LDLRAD4: variants seen among roughly 807,000 people sequenced by gnomAD.
LDLRAD4 encodes low density lipoprotein receptor class A domain containing 4.
LDLRAD4 carries 5 observed loss-of-function variants against 17.0 expected under a neutral mutation model. The ratio of observed to expected loss-of-function variants is 0.29; its 90% CI spans 0.15 to 0.62. LDLRAD4 has a LOEUF of 0.62. Among genes scored for constraint, LDLRAD4 ranks in the 20% least tolerant of loss-of-function variants. The probability of loss-of-function intolerance (pLI) is 0.84; values close to 1 mark genes in which losing one functional copy is unlikely to be tolerated. For missense variants in LDLRAD4, 340 were observed against 424.7 expected (o/e 0.80, Z 1.75); for synonymous variants, 168 against 171.8 (o/e 0.98, Z 0.17).
chr18:13,533,585 G>A (rs756090391), intron 3 of LDLRAD4, among the ~76,000 whole-genome samples: 14 of 152,048 alleles, frequency 9.2e-5, no homozygotes, highest in Admixed American at 5.9e-4. Flanking sequence ...ACTTACAAAC[G>A]GTACTCCAGT....
intron 1 of LDLRAD4, among the ~76,000 whole-genome samples, chr18:13,220,867 C>T (rs1400074533): frequency 1.3e-5 from 2 of 152,202 alleles, no homozygotes; most frequent in Non-Finnish European, 2.9e-5. Flanking sequence ...GCAGGCAGTC[C>T]AGCAGAGATC....
intron 3 of LDLRAD4, among the ~76,000 whole-genome samples, chr18:13,545,129 T>A (rs1397945146): frequency 1.3e-5 from 2 of 152,068 alleles, no homozygotes; most frequent in Non-Finnish European, 2.9e-5. Context: ...AGTGGCCTCC[T>A]CTTGATGGCC....
chr18:13,619,511 G>C (rs1391534815), intron 3 of LDLRAD4, among the ~76,000 whole-genome samples: 1 of 119,658 alleles, frequency 8.4e-6, no homozygotes, highest in Non-Finnish European at 1.8e-5. Flanking sequence ...TGGGGGGGTG[G>C]GGCCGGGGGG....
At chr18:13,259,087 C>G (rs914264262) in intron 1 of LDLRAD4, among the ~76,000 whole-genome samples, 1 of 152,218 alleles carries the variant, frequency 6.6e-6, no homozygotes, top group Admixed American at 6.5e-5. Flanking sequence ...TGCTGCCATT[C>G]CCGCAGAGCA....
chr18:13,561,255 G>A (rs2094537755), intron 3 of LDLRAD4: 1 of 152,176 alleles, frequency 6.6e-6, no homozygotes, highest in Non-Finnish European at 1.5e-5. Context: ...CAATATATAG[G>A]TAATTAGTTT....
intron 1 of LDLRAD4, among the ~76,000 whole-genome samples, chr18:13,249,771 T>C (rs1227302080): frequency 1.3e-5 from 2 of 152,216 alleles, no homozygotes; most frequent in African/African-American, 2.4e-5. Context: ...CATTTGATTA[T>C]TTTTGCTTTT....
intron 1 of LDLRAD4, among the ~76,000 whole-genome samples, chr18:13,340,061 G>C (rs374009205): frequency 6.6e-6 from 1 of 152,136 alleles, no homozygotes; most frequent in Admixed American, 6.5e-5. Flanking sequence ...ATTTCACTGA[G>C]CATAATGTTC....
intron 4 of LDLRAD4, among the ~76,000 whole-genome samples, chr18:13,625,394 C>T (rs558875421): frequency 6.6e-6 from 1 of 152,236 alleles, no homozygotes; most frequent in Admixed American, 6.5e-5. Flanking sequence ...GATGAGCAGG[C>T]CAGCAGCCTT....
intron 3 of LDLRAD4, among the ~76,000 whole-genome samples, chr18:13,493,373 G>T (rs2093398422): frequency 6.6e-6 from 1 of 152,106 alleles, no homozygotes; most frequent in Non-Finnish European, 1.5e-5. Flanking sequence ...GAAGGGACTT[G>T]TTAAATCATG....
chr18:13,404,291 C>T (rs1599986066), intron 2 of LDLRAD4, among the ~76,000 whole-genome samples: 1 of 152,298 alleles, frequency 6.6e-6, no homozygotes, highest in East Asian at 1.9e-4. Context: ...GTTTCCCCTG[C>T]CCCTGAACAG....
intron 2 of LDLRAD4, among the ~76,000 whole-genome samples, chr18:13,407,366 C>T (rs1016555826): frequency 3.3e-5 from 5 of 152,120 alleles, no homozygotes; most frequent in African/African-American, 4.8e-5. Flanking sequence ...GTGATTATCC[C>T]GAGTAAATCT....
chr18:13,327,040 C>G (rs796763984), intron 1 of LDLRAD4, among the ~76,000 whole-genome samples: 15 of 152,186 alleles, frequency 9.9e-5, no homozygotes, highest in African/African-American at 3.4e-4. Flanking sequence ...TCTGGGTCTC[C>G]CTTTGCTTTG....
chr18:13,275,256 G>C (rs1228805857), upstream of LDLRAD4, among the ~76,000 whole-genome samples: 2 of 152,158 alleles, frequency 1.3e-5, no homozygotes, highest in Admixed American at 1.3e-4. Context: ...TTTTAACCTT[G>C]AACTGTAGAT....
At chr18:13,368,262 T>C (rs1568058822) in intron 1 of LDLRAD4, among the ~76,000 whole-genome samples, 1 of 151,830 alleles carries the variant, frequency 6.6e-6, no homozygotes, top group Non-Finnish European at 1.5e-5. Flanking sequence ...TGTGGGACTT[T>C]GGGGGATGAG....
chr18:13,508,243 G>C (rs1210582988), intron 3 of LDLRAD4, among the ~76,000 whole-genome samples: 1 of 152,230 alleles, frequency 6.6e-6, no homozygotes, highest in Non-Finnish European at 1.5e-5. Flanking sequence ...GTAGGTTCAT[G>C]AGGTTCAATG....
chr18:13,510,903 T>TC (rs1248866771), intron 3 of LDLRAD4, among the ~76,000 whole-genome samples: 1 of 152,144 alleles, frequency 6.6e-6, no homozygotes, highest in Admixed American at 6.5e-5. Flanking sequence ...GAGGGAAACT[T>TC]CAACACAAAA....
chr18:13,608,754 G>C (rs2095248657), intron 3 of LDLRAD4, among the ~76,000 whole-genome samples: 1 of 152,218 alleles, frequency 6.6e-6, no homozygotes, highest in Admixed American at 6.5e-5. Flanking sequence ...GACGAGCTCA[G>C]CCACACAGAA....
chr18:13,548,877 G>A (rs2094401307), intron 3 of LDLRAD4, among the ~76,000 whole-genome samples: 1 of 152,274 alleles, frequency 6.6e-6, no homozygotes, highest in African/African-American at 2.4e-5. Flanking sequence ...GGCCATTGCT[G>A]CCATCATTTG....
intron 1 of LDLRAD4, among the ~76,000 whole-genome samples, chr18:13,272,478 T>G (rs2044618350): frequency 6.6e-6 from 1 of 152,212 alleles, no homozygotes. Flanking sequence ...CATTTCTATT[T>G]GGGGAGAAGA....
Sources: allele counts gnomAD v4.1 joint callset (sites outside exome capture counted in the v4.1 genomes callset), GRCh38; gene constraint gnomAD v4.1.1; transcripts MANE v1.5; gene names NCBI Gene and HGNC (gene_info 2026-07-23, HGNC 2026-07-21).